Variants in VPS37A observed in about 807,000 individuals in gnomAD.
VPS37A encodes vacuolar protein sorting-associated protein 37A.
A neutral mutation model predicts 49.8 loss-of-function variants in VPS37A; 30 were observed. The ratio of observed to expected loss-of-function variants is 0.60; its 90% confidence interval spans 0.45 to 0.82. The LOEUF is 0.82. Ranked by LOEUF, VPS37A falls within the 40% of genes least tolerant of loss-of-function variation. The probability of loss-of-function intolerance (pLI) is 0.00; values close to 1 mark genes in which losing one functional copy is unlikely to be tolerated. For missense variants in VPS37A, 593 were observed against 464.4 expected (o/e 1.28, Z -2.55); for synonymous variants, 195 against 160.6 (o/e 1.21, Z -1.62).
downstream of VPS37A, chr8:17,300,225 C>T: frequency 6.3e-7 from 1 of 1,596,128 alleles, no homozygotes; most frequent in Non-Finnish European, 8.5e-7. Flanking sequence ...TTTCCAGCCT[C>T]TAAGAAAGAA....
At chr8:17,271,281 T>G (rs960521785) in intron 4 of VPS37A, among the ~76,000 whole-genome samples, 1 of 152,180 alleles carries the variant, frequency 6.6e-6, no homozygotes, top group Non-Finnish European at 1.5e-5. Flanking sequence ...CTCTGTCCCT[T>G]GTAGACCCAA....
At chr8:17,290,188 A>T (rs374431764) in intron 11 of VPS37A, among the ~76,000 whole-genome samples, 1 of 152,028 alleles carries the variant, frequency 6.6e-6, no homozygotes, top group Admixed American at 6.5e-5. Context: ...GAATACCTTT[A>T]TTTCTTTTTC....
At chr8:17,284,165 C>G (rs1815364266) in intron 9 of VPS37A, among the ~76,000 whole-genome samples, 1 of 152,164 alleles carries the variant, frequency 6.6e-6, no homozygotes, top group Non-Finnish European at 1.5e-5. Flanking sequence ...ATTAGTGGAG[C>G]GTCTCCTTAG....
In VPS37A at chr8:17,280,271, G is replaced by A. The variant is rs776392994; in HGVS notation, c.874G>A (p.Ala292Thr). 36 of 1,612,584 alleles carry A rather than the reference G, an allele frequency of 2.2e-5. No individual in the cohort carries two copies. Among genetic ancestry groups the A allele is most frequent in the Non-Finnish European group, 3.0e-5 (35 of 1,179,302 alleles). ...KNLLLEPSLE[A>T]KRQTVLDKYE... ...TCTCCTTTTGGAGCCCAGCTTGGAAGCCAAAAGACAAACTGTTTTAGATAA... is the reference window on the plus strand; with the variant it reads ...TCTCCTTTTGGAGCCCAGCTTGGAAACCAAAAGACAAACTGTTTTAGATAA... The change falls in exon 8 of 12, where the codon GCC becomes ACC. Residue 292 changes from alanine to threonine, a missense_variant. Ala to Thr is a moderately conservative substitution (Grantham distance 58). Transcript: ENST00000324849.
chr8:17,300,027 G>C (rs1817006899), downstream of VPS37A: 3 of 1,614,114 alleles, frequency 1.9e-6, no homozygotes, highest in Non-Finnish European at 2.5e-6. Context: ...GATTGTCTTG[G>C]GTTAGAATCA....
chr8:17,301,857 G>GA (rs1289762800), downstream of VPS37A: 3 of 406,596 alleles, frequency 7.4e-6, no homozygotes, highest in Non-Finnish European at 1.3e-5. Flanking sequence ...ACACTTTCCA[G>GA]AAAAAAATTA....
the VPS37A span, among the ~76,000 whole-genome samples, chr8:17,310,473 C>G: frequency 6.6e-6 from 1 of 152,112 alleles, no homozygotes; most frequent in Non-Finnish European, 1.5e-5. Flanking sequence ...ACAATGAGAA[C>G]AAGTTGATGA....
chr8:17,280,263 G>A lies in VPS37A; in HGVS notation c.866G>A (p.Ser289Asn), dbSNP rs376210724. The A allele has an allele frequency of 2.7e-5, 43 of 1,612,594 alleles. No individual in the cohort carries two copies. The highest frequency in any genetic ancestry group is 3.5e-5 in the Non-Finnish European group (41 of 1,179,286). The change falls in exon 8 of 12, where the codon AGC becomes AAC. Residue 289 changes from serine (S) to asparagine (N), a missense_variant. Ser to Asn is a conservative substitution (Grantham distance 46). Transcript: ENST00000324849. ...GGAAAAAATCTCCTTTTGGAGCCCA[G>A]CTTGGAAGCCAAAAGACAAACTGTT... ...LARKNLLLEP[S>N]LEAKRQTVLD...
the VPS37A span, among the ~76,000 whole-genome samples, chr8:17,320,094 C>A: frequency 6.6e-6 from 1 of 151,614 alleles, no homozygotes; most frequent in Non-Finnish European, 1.5e-5. Flanking sequence ...TTGGGATAGA[C>A]GGGGTTAAAT....
chr8:17,271,600 C>T (rs1029295837), intron 4 of VPS37A, among the ~76,000 whole-genome samples: 46 of 151,304 alleles, frequency 3.0e-4, no homozygotes, highest in African/African-American at 7.8e-4. Flanking sequence ...AGCAAGACTC[C>T]GTCTCAAAAA....
chr8:17,265,269 C>A (rs1270545412), intron 1 of VPS37A, among the ~76,000 whole-genome samples: 2 of 152,168 alleles, frequency 1.3e-5, no homozygotes, highest in African/African-American at 2.4e-5. Context: ...ATTTTGTTCC[C>A]TTTAAGATAT....
At chr8:17,291,919 T>G (rs1816194424) in intron 11 of VPS37A, among the ~76,000 whole-genome samples, 2 of 152,160 alleles carry the variant, frequency 1.3e-5, no homozygotes, top group Admixed American at 6.5e-5. Flanking sequence ...GAATAATTGC[T>G]ATGTGGTGCT....
At chr8:17,302,160 C>T (rs752239658), downstream of VPS37A, 9 of 1,614,092 alleles carry the variant, frequency 5.6e-6, no homozygotes, top group South Asian at 1.1e-5. Flanking sequence ...TTACTTCTTC[C>T]AGGGCCTCTA....
At chr8:17,300,547 G>A (rs372917714), downstream of VPS37A, among the ~76,000 whole-genome samples, 12 of 152,210 alleles carry the variant, frequency 7.9e-5, 1 homozygote, top group East Asian at 2.1e-3. Flanking sequence ...CTCATCCCAT[G>A]AACTCAAAAA....
Position 17,250,039 on chromosome 8 carries a change from G to A in VPS37A, c.125+2670G>A, listed in dbSNP as rs536309191. On this transcript the variant is annotated intron_variant, in intron 1 of 11. Transcript: ENST00000324849. Reference sequence around the variant, plus strand: ...AACTTTCTACTCCTCTAGTGGACCGGCCCGGGCTCATATGGAGTGAGGGTC... The same window carrying A: ...AACTTTCTACTCCTCTAGTGGACCGACCCGGGCTCATATGGAGTGAGGGTC... Among the ~76,000 whole-genome samples the A allele has an allele frequency of 2.0e-5, 3 of 152,298 alleles. No homozygotes were observed. In the South Asian group the frequency reaches 6.2e-4, roughly 32 times the overall value.
the VPS37A span, among the ~76,000 whole-genome samples, chr8:17,313,942 T>C: frequency 3.5e-3 from 539 of 152,314 alleles, 3 homozygotes; most frequent in African/African-American, 0.012. Flanking sequence ...GAGTAAGGCC[T>C]GTAAGCTTAA....
At chr8:17,291,214 T>A (rs1212232545) in intron 11 of VPS37A, among the ~76,000 whole-genome samples, 1 of 152,198 alleles carries the variant, frequency 6.6e-6, no homozygotes, top group African/African-American at 2.4e-5. Flanking sequence ...GGTTTCACCA[T>A]GTTGGCCAGG....
intron 11 of VPS37A, 23 bp downstream of exon 11, chr8:17,286,450 G>A: frequency 1.2e-6 from 2 of 1,602,954 alleles, no homozygotes; most frequent in South Asian, 2.2e-5. Context: ...TCAAGTTTGA[G>A]TCTCAAGGTG....
At chr8:17,302,565 CCTTTT>C (rs2150461819), downstream of VPS37A, 1 of 274,758 alleles carries the variant, frequency 3.6e-6, no homozygotes, top group East Asian at 6.4e-5. Context: ...GTAACCATTA[CCTTTT>C]AAGAAAATGG....
Sources: gnomAD v4.1 joint callset for allele counts (sites outside exome capture counted in the v4.1 genomes callset) on GRCh38, gnomAD v4.1.1 for gene constraint, MANE v1.5 for transcripts, NCBI Gene and HGNC (gene_info 2026-07-23, HGNC 2026-07-21) for gene names.